GNAO1: variants seen among roughly 807,000 people sequenced by gnomAD.
GNAO1 encodes the protein G protein subunit alpha o1.
For missense variants in GNAO1, 166 were observed against 478.7 expected (o/e 0.35, Z 6.10); for synonymous variants, 164 against 180.7 (o/e 0.91, Z 0.74).
chr16:56,214,183 T>A (rs1446570879), intron 2 of GNAO1, among the ~76,000 whole-genome samples: 1 of 152,208 alleles, frequency 6.6e-6, no homozygotes, highest in Non-Finnish European at 1.5e-5. Flanking sequence ...CTTGCCTTGC[T>A]GGTCTCCTAG....
chr16:56,324,257 T>C (rs1191698847), intron 3 of GNAO1, among the ~76,000 whole-genome samples: 2 of 152,222 alleles, frequency 1.3e-5, no homozygotes, highest in African/African-American at 4.8e-5. Context: ...TCACACCGTC[T>C]TGAGTGTCCT....
intron 3 of GNAO1, among the ~76,000 whole-genome samples, chr16:56,314,446 C>G (rs1313400786): frequency 6.6e-6 from 1 of 152,192 alleles, no homozygotes; most frequent in Non-Finnish European, 1.5e-5. Flanking sequence ...ACAGCCGCCA[C>G]CCTTACATTT....
chr16:56,192,726 GCACACA>G (rs60037687), intron 2 of GNAO1, 110 bp downstream of exon 2: 40 of 564,746 alleles, frequency 7.1e-5, no homozygotes, highest in South Asian at 1.6e-4. Flanking sequence ...TTTAATTCGT[GCACACA>G]CACACACACA....
intron 2 of GNAO1, among the ~76,000 whole-genome samples, chr16:56,210,578 T>G (rs2036376713): frequency 6.6e-6 from 1 of 152,230 alleles, no homozygotes; most frequent in South Asian, 2.1e-4. Context: ...TCACCAGCAT[T>G]TGGTGTTGTC....
Position 56,303,672 on chromosome 16 carries a change from G to A in GNAO1, c.304-24959G>A, listed in dbSNP as rs17347129. Among the ~76,000 whole-genome samples the A allele has an allele frequency of 8.2e-3, 1,256 of 152,312 alleles. 7 individuals are homozygous for A. Among genetic ancestry groups the A allele is most frequent in the Non-Finnish European group, 0.013 (865 of 68,020 alleles). On this transcript the variant is annotated intron_variant, in intron 3 of 8. Coordinates refer to ENST00000262493, the MANE Select transcript of GNAO1 (RefSeq NM_020988.3). ...AGCATGATGGCTGACAGCGACCTCA[G>A]AGATGATCACATCTAAAGGGTGACA...
intron 2 of GNAO1, among the ~76,000 whole-genome samples, chr16:56,226,955 G>A (rs1567445675): frequency 6.6e-6 from 1 of 152,186 alleles, no homozygotes; most frequent in Non-Finnish European, 1.5e-5. Flanking sequence ...GGGATCTTTA[G>A]GAAGTTTTGA....
At chr16:56,343,311 A>C (rs2037823809) in intron 6 of GNAO1, among the ~76,000 whole-genome samples, 2 of 150,678 alleles carry the variant, frequency 1.3e-5, no homozygotes, top group Admixed American at 6.6e-5. Context: ...CAACATAGTG[A>C]GATCCCATCT....
rs182505849 is a variant in GNAO1 at position 56,259,641 on chromosome 16, G to A, written c.162-16290G>A. Among the ~76,000 whole-genome samples, 200 of 152,306 alleles carry A rather than the reference G, an allele frequency of 1.3e-3. 1 individual carries two copies. Among genetic ancestry groups the A allele is most frequent in the African/African-American group, 4.6e-3 (191 of 41,560 alleles). ...TTGTTCATTCCTTCAGTAGCCATGC[G>A]TCTGGCACTGGCCAGGGCTGAGCAG... On this transcript the variant is annotated intron_variant, in intron 2 of 8. Transcript: ENST00000262493.
At position 56,347,889 on chromosome 16, in the gene GNAO1, C is replaced by G. The variant is rs2037887740; in HGVS notation, c.724-3495C>G. On this transcript the variant is annotated intron_variant, in intron 6 of 8. Coordinates refer to ENST00000262493, the MANE Select transcript of GNAO1 (RefSeq NM_020988.3). The stretch of plus-strand genomic sequence containing the variant: ...CTTCTCTACTCCGCTGGTTCTGACC[C>G]ATCCCCTGGCTCTGCCCGCCGTCCC... The G allele has an allele frequency of 3.2e-5, 31 of 969,196 alleles. 1 individual carries two copies. The South Asian group carries it at 1.1e-3, about 36-fold the overall frequency. 60.0% of individuals were successfully genotyped at this position (969,196 alleles called of 1,614,324 possible). A position where few individuals can be genotyped will look rare whatever the true frequency, so the allele number is the denominator to read the frequency against.
rs114845661 is a variant in GNAO1, at chr16:56,341,218, T to G, written c.723+4358T>G. On this transcript the variant is annotated intron_variant, in intron 6 of 8. Transcript: ENST00000262493. ...CTGGCTCTGCCACTTACGAGCTGTG[T>G]GACCATGGCGGCCTCTGGGAGCCTG... Among the ~76,000 whole-genome samples the G allele has an allele frequency of 0.013, 1,920 of 152,296 alleles. 38 individuals carry two copies. The highest frequency in any genetic ancestry group is 0.043 in the African/African-American group (1,767 of 41,572).
chr16:56,207,307 T>C (rs1013270410), intron 2 of GNAO1, among the ~76,000 whole-genome samples: 2 of 152,096 alleles, frequency 1.3e-5, no homozygotes, highest in Non-Finnish European at 2.9e-5. Context: ...ACCAAAAAAA[T>C]AAATAAATAA....
intron 3 of GNAO1, among the ~76,000 whole-genome samples, chr16:56,319,443 G>T (rs1172647878): frequency 1.3e-5 from 2 of 152,140 alleles, no homozygotes; most frequent in South Asian, 4.1e-4. Context: ...GTACACAGGG[G>T]GCAGGGCCCT....
chr16:56,314,721 C>T (rs2037491870), intron 3 of GNAO1, among the ~76,000 whole-genome samples: 1 of 152,122 alleles, frequency 6.6e-6, no homozygotes, highest in African/African-American at 2.4e-5. Flanking sequence ...TTGCACCATC[C>T]GTGCAAATGT....
At chr16:56,279,080 C>T (rs2037090813) in intron 3 of GNAO1, among the ~76,000 whole-genome samples, 1 of 152,086 alleles carries the variant, frequency 6.6e-6, no homozygotes, top group Non-Finnish European at 1.5e-5. Flanking sequence ...CCACCCACCA[C>T]CACTCATCAG....
At chr16:56,348,048 C>G in intron 6 of GNAO1, 1 of 970,530 alleles carries the variant, frequency 1.0e-6, no homozygotes, top group Non-Finnish European at 1.2e-6. Flanking sequence ...CACCTCCCAA[C>G]CCCATCACTG....
chr16:56,300,045 G>GCA (rs1567474774), intron 3 of GNAO1, among the ~76,000 whole-genome samples: 4 of 91,846 alleles, frequency 4.4e-5, no homozygotes, highest in African/African-American at 1.9e-4. Flanking sequence ...GTGCGCGCGC[G>GCA]CGCGCGCACG....
intron 2 of GNAO1, among the ~76,000 whole-genome samples, chr16:56,258,689 G>T (rs1464455005): frequency 6.6e-6 from 1 of 152,232 alleles, no homozygotes; most frequent in Admixed American, 6.5e-5. Context: ...CCACAAATCG[G>T]TCTGGACAGA....
chr16:56,299,073 T>A lies in GNAO1; in HGVS notation c.303+23001T>A, dbSNP rs185392693. The stretch of plus-strand genomic sequence containing the variant: ...GCAGGTAAAATGATTAACCTCATTT[T>A]ACAGATCAGGAAACCGAGGCTCAGA... On this transcript the variant is annotated intron_variant, in intron 3 of 8. Coordinates refer to ENST00000262493, the MANE Select transcript of GNAO1 (RefSeq NM_020988.3). 8.6e-3 allele frequency among the ~76,000 whole-genome samples: 1,306 copies of A among 152,314 alleles called. 37 individuals carry two copies. Among genetic ancestry groups the A allele is most frequent in the Non-Finnish European group, 7.6e-3 (517 of 68,024 alleles).
intron 2 of GNAO1, among the ~76,000 whole-genome samples, chr16:56,252,066 T>C (rs1259338888): frequency 6.6e-6 from 1 of 152,124 alleles, no homozygotes; most frequent in Non-Finnish European, 1.5e-5. Context: ...TAAATCATCC[T>C]CCCGCCCTCA....
Sources: allele counts gnomAD v4.1 joint callset (sites outside exome capture counted in the v4.1 genomes callset), GRCh38; gene constraint gnomAD v4.1.1; transcripts MANE v1.5; gene names NCBI Gene and HGNC (gene_info 2026-07-23, HGNC 2026-07-21).